The following ANKRD30B variants were observed in gnomAD, a reference collection of about 807,000 sequenced individuals.
ANKRD30B encodes the protein ankyrin repeat domain-containing protein 30B.
ANKRD30B carries 144 observed loss-of-function variants against 202.2 expected under a neutral mutation model. The observed-to-expected ratio is 0.71, with a 90% confidence interval of 0.62 to 0.82. ANKRD30B has a LOEUF of 0.82. Ranked by LOEUF, ANKRD30B falls within the 40% of genes least tolerant of loss-of-function variation. The probability of loss-of-function intolerance (pLI) is 0.00; values close to 1 mark genes in which losing one functional copy is unlikely to be tolerated. For synonymous variants in ANKRD30B, 508 were observed against 561.3 expected (o/e 0.91, Z 1.34); for missense variants, 1,487 against 1,669.1 (o/e 0.89, Z 1.90).
the ANKRD30B span, among the ~76,000 whole-genome samples, chr18:14,863,401 G>T: frequency 6.6e-6 from 1 of 152,028 alleles, no homozygotes; most frequent in Non-Finnish European, 1.5e-5. Context: ...TCCCCTTCTT[G>T]CTATTCATTT....
At chr18:14,879,608 G>A in the ANKRD30B span, among the ~76,000 whole-genome samples, 3 of 152,000 alleles carry the variant, frequency 2.0e-5, no homozygotes, top group African/African-American at 7.3e-5. Context: ...GTTGGAGATA[G>A]GAGTTAGGGT....
the ANKRD30B span, among the ~76,000 whole-genome samples, chr18:14,882,260 T>G: frequency 1.3e-5 from 2 of 152,214 alleles, no homozygotes; most frequent in Admixed American, 6.5e-5. Flanking sequence ...GCTACAAACT[T>G]TCCTCTTAGC....
At chr18:14,790,490 A>C (rs1568013907) in intron 15 of ANKRD30B, among the ~76,000 whole-genome samples, 1 of 152,140 alleles carries the variant, frequency 6.6e-6, no homozygotes, top group Non-Finnish European at 1.5e-5. Context: ...GAATGCTTCC[A>C]GTTTTTGCCA....
chr18:14,855,675 C>T (rs1972069886), downstream of ANKRD30B, among the ~76,000 whole-genome samples: 1 of 150,038 alleles, frequency 6.7e-6, no homozygotes, highest in African/African-American at 2.5e-5. Context: ...CGATGGGCGG[C>T]CGGGCAGAGG....
the ANKRD30B span, among the ~76,000 whole-genome samples, chr18:14,916,656 C>G: frequency 2.6e-5 from 4 of 152,280 alleles, no homozygotes; most frequent in East Asian, 7.7e-4. Context: ...TAGAACAAAA[C>G]TTCTTACTAA....
chr18:14,772,334 G>C (rs1444957824), intron 9 of ANKRD30B, 106 bp downstream of exon 9: 6 of 658,682 alleles, frequency 9.1e-6, no homozygotes, highest in African/African-American at 3.8e-5. Flanking sequence ...GTAATATAAA[G>C]TTGGTCAGAT....
intron 11 of ANKRD30B, among the ~76,000 whole-genome samples, chr18:14,782,226 A>G (rs1162846647): frequency 6.6e-6 from 1 of 152,220 alleles, no homozygotes; most frequent in African/African-American, 2.4e-5. Flanking sequence ...AGATAAAGTA[A>G]GATATTTTTA....
intron 30 of ANKRD30B, among the ~76,000 whole-genome samples, chr18:14,821,642 G>C (rs780411935): frequency 6.6e-6 from 1 of 152,082 alleles, no homozygotes; most frequent in African/African-American, 2.4e-5. Flanking sequence ...ATTTTTTGTG[G>C]AGACAGGGTT....
the ANKRD30B span, among the ~76,000 whole-genome samples, chr18:14,912,656 C>A: frequency 6.6e-6 from 1 of 152,162 alleles, no homozygotes; most frequent in East Asian, 1.9e-4. Flanking sequence ...AGAATTCTCT[C>A]CTCCTTGATT....
chr18:14,837,643 A>G lies in ANKRD30B; in HGVS notation c.2955A>G (p.Arg985=). The change falls in exon 36 of 44, where the codon AGA becomes AGG. Residue 985 remains arginine (R), a synonymous_variant. Coordinates refer to ENST00000690538, the MANE Select transcript of ANKRD30B (RefSeq NM_001367607.2). ...AGATGCCCACATCAGAATTAGGAAG[A>G]AAAGAAGATACAAAATCAACTTCAG... is the stretch of plus-strand genomic sequence containing the variant. ...TNKMPTSELG[R]KEDTKSTSDS... is the part of the protein sequence containing the mutation. 2.6e-6 allele frequency: 4 copies of G among 1,541,084 alleles called. No homozygotes were observed. Among genetic ancestry groups the G allele is most frequent in the Non-Finnish European group, 3.5e-6 (4 of 1,144,456 alleles).
At position 14,796,233 on chromosome 18, in the gene ANKRD30B, A is replaced by C. The variant is rs753436123; in HGVS notation, c.1838A>C (p.Lys613Thr). The change falls in exon 17 of 44, where the codon AAA becomes ACA. Residue 613 changes from lysine (K) to threonine (T), a missense_variant. This residue lies in a region of ANKRD30B where 889 missense variants were observed against 841.4 expected (regional missense o/e 1.06). Coordinates refer to ENST00000690538, the MANE Select transcript of ANKRD30B (RefSeq NM_001367607.2). ...LSGKLEESPV[K>T]DGLLKPTCGR... ...CCTTTACGTTTAGAGTCTCCTGTTAAAGATGGTCTTCTGAAGGTAATAACT... is the reference window on the plus strand; with the variant it reads ...CCTTTACGTTTAGAGTCTCCTGTTACAGATGGTCTTCTGAAGGTAATAACT... The C allele has an allele frequency of 6.2e-7, 1 of 1,601,646 alleles. No individual in the cohort carries two copies. Among genetic ancestry groups the C allele is most frequent in the African/African-American group, 1.3e-5 (1 of 74,454 alleles).
At chr18:14,899,330 C>T in the ANKRD30B span, among the ~76,000 whole-genome samples, 1 of 151,824 alleles carries the variant, frequency 6.6e-6, no homozygotes, top group African/African-American at 2.4e-5. Flanking sequence ...CCTCATATAG[C>T]ATGTGTAGAA....
chr18:14,873,482 G>A, the ANKRD30B span, among the ~76,000 whole-genome samples: 1 of 145,770 alleles, frequency 6.9e-6, no homozygotes, highest in Admixed American at 7.1e-5. Flanking sequence ...CCGAGATGGT[G>A]CCATTGCACT....
At chr18:14,798,196 C>G (rs1196857532) in intron 20 of ANKRD30B, among the ~76,000 whole-genome samples, 1 of 135,844 alleles carries the variant, frequency 7.4e-6, no homozygotes, top group Non-Finnish European at 1.5e-5. Flanking sequence ...CTTGTCGTCC[C>G]GTGGTGCCAA....
chr18:14,786,023 C>T (rs1329831166), intron 14 of ANKRD30B, among the ~76,000 whole-genome samples: 4 of 111,284 alleles, frequency 3.6e-5, no homozygotes, highest in African/African-American at 1.4e-4. Flanking sequence ...CCGGCCTGGG[C>T]GACAGAGCGA....
the ANKRD30B span, among the ~76,000 whole-genome samples, chr18:14,911,371 T>C: frequency 6.6e-6 from 1 of 152,160 alleles, no homozygotes; most frequent in Non-Finnish European, 1.5e-5. Flanking sequence ...AACAATTGAG[T>C]GAATACAGTG....
chr18:14,870,811 C>T, the ANKRD30B span, among the ~76,000 whole-genome samples: 3 of 152,150 alleles, frequency 2.0e-5, no homozygotes, highest in Non-Finnish European at 4.4e-5. Context: ...CCCTTGGCCC[C>T]TGCTCTGGTC....
At chr18:14,856,128 A>G (rs1472058325), downstream of ANKRD30B, among the ~76,000 whole-genome samples, 1 of 86,678 alleles carries the variant, frequency 1.2e-5, no homozygotes, top group African/African-American at 5.0e-5. Context: ...GGAGACCAGG[A>G]AGAGGTGCTC....
the ANKRD30B span, among the ~76,000 whole-genome samples, chr18:14,917,833 AT>A: frequency 4.6e-5 from 7 of 152,228 alleles, no homozygotes; most frequent in Non-Finnish European, 7.3e-5. Flanking sequence ...CTCCTGGCCC[AT>A]CTGGGCTCAG....
Sources: gnomAD v4.1 joint callset for allele counts (sites outside exome capture counted in the v4.1 genomes callset) on GRCh38, gnomAD v4.1.1 for gene constraint, gnomAD v4.1.1 regional missense constraint, MANE v1.5 for transcripts, NCBI Gene and HGNC (gene_info 2026-07-23, HGNC 2026-07-21) for gene names.